Variants in TAFA1 observed in about 807,000 individuals in gnomAD.
TAFA1 encodes chemokine-like protein TAFA-1.
TAFA1 carries 4 observed loss-of-function variants against 18.5 expected under a neutral mutation model. The observed-to-expected ratio is 0.22, with a 90% CI of 0.11 to 0.49. The LOEUF (loss-of-function observed/expected upper bound fraction) is 0.49. Among genes scored for constraint, TAFA1 ranks in the 20% least tolerant of loss-of-function variants. The pLI is 0.98. For synonymous variants in TAFA1, 56 were observed against 55.2 expected (o/e 1.01, Z -0.06); for missense variants, 147 against 169.0 (o/e 0.87, Z 0.72).
At chr3:68,127,047 C>T (rs778469308) in intron 2 of TAFA1, among the ~76,000 whole-genome samples, 2 of 152,164 alleles carry the variant, frequency 1.3e-5, no homozygotes, top group Non-Finnish European at 2.9e-5. Flanking sequence ...AGATAAAATG[C>T]ATACACTAGA....
chr3:68,284,501 A>C (rs2067960054), intron 2 of TAFA1, among the ~76,000 whole-genome samples: 1 of 152,238 alleles, frequency 6.6e-6, no homozygotes, highest in Admixed American at 6.5e-5. Context: ...CATCTTCAAA[A>C]AGATTGTCCA....
chr3:68,513,265 C>A lies in TAFA1; in HGVS notation c.260-25491C>A, dbSNP rs553648249. Among the ~76,000 whole-genome samples, 5 of 152,128 alleles carry A rather than the reference C, an allele frequency of 3.3e-5. No individual in the cohort carries two copies. In the East Asian group the frequency reaches 7.7e-4, roughly 24 times the overall value. ...TGAGTTTGTGCCAAGTGATGGCTAA[C>A]AAATGCCATGTAGATAGAATGATCT... On this transcript the variant is annotated intron_variant, in intron 3 of 4. Transcript: ENST00000478136.
At chr3:68,321,107 T>C (rs1211509224) in intron 2 of TAFA1, among the ~76,000 whole-genome samples, 1 of 152,208 alleles carries the variant, frequency 6.6e-6, no homozygotes, top group East Asian at 1.9e-4. Context: ...AGTCAATTAC[T>C]CTGTCTTTAC....
intron 2 of TAFA1, among the ~76,000 whole-genome samples, chr3:68,237,514 G>A (rs773946008): frequency 3.9e-5 from 6 of 152,066 alleles, no homozygotes; most frequent in Non-Finnish European, 7.4e-5. Context: ...CACACATCAG[G>A]TACAAATGGA....
chr3:68,048,029 A>G (rs1289770654), intron 2 of TAFA1, among the ~76,000 whole-genome samples: 1 of 152,092 alleles, frequency 6.6e-6, no homozygotes, highest in Non-Finnish European at 1.5e-5. Context: ...AGAGAAATCA[A>G]CCCAGAGCCT....
At chr3:68,444,799 TATATATATATATAA>T (rs1456983001) in intron 3 of TAFA1, among the ~76,000 whole-genome samples, 13 of 65,554 alleles carry the variant, frequency 2.0e-4, no homozygotes, top group East Asian at 9.3e-4. Context: ...TATATATATA[TATATATATATATAA>T]AATAAATTAA....
chr3:68,516,689 A>T (rs1391721829), intron 3 of TAFA1, among the ~76,000 whole-genome samples: 1 of 152,238 alleles, frequency 6.6e-6, no homozygotes, highest in South Asian at 2.1e-4. Context: ...TTCAGTGCGT[A>T]GGGGTCATAC....
chr3:68,529,543 A>T lies in TAFA1; in HGVS notation c.260-9213A>T, dbSNP rs149099551. ...TCTTAGTCTGCTTGTGTTACTATAA[A>T]AGAATACTGCAGGCTGGGTAATTTA... On this transcript the variant is annotated intron_variant, in intron 3 of 4. Coordinates refer to ENST00000478136, the MANE Select transcript of TAFA1 (RefSeq NM_213609.4). 2.5e-3 allele frequency among the ~76,000 whole-genome samples: 384 copies of T among 151,958 alleles called. 3 individuals are homozygous for T. Among genetic ancestry groups the T allele is most frequent in the African/African-American group, 8.2e-3 (341 of 41,450 alleles).
intron 3 of TAFA1, among the ~76,000 whole-genome samples, chr3:68,525,562 GTT>G (rs745869494): frequency 4.6e-5 from 7 of 152,152 alleles, no homozygotes; most frequent in Non-Finnish European, 8.8e-5. Flanking sequence ...GTTGATTGTT[GTT>G]TTCCACTTTT....
At chr3:68,401,683 G>A (rs1477202622) in intron 2 of TAFA1, among the ~76,000 whole-genome samples, 1 of 152,158 alleles carries the variant, frequency 6.6e-6, no homozygotes, top group Admixed American at 6.5e-5. Context: ...ATCTCTTTGT[G>A]TGTAGCTTGG....
At position 68,339,395 on chromosome 3, in the gene TAFA1, G is replaced by C. The variant is rs2069041680; in HGVS notation, c.119-77885G>C. Among the ~76,000 whole-genome samples the C allele has an allele frequency of 2.0e-5, 3 of 152,322 alleles. No homozygotes were observed. In the South Asian group the frequency reaches 6.2e-4, roughly 32 times the overall value. On this transcript the variant is annotated intron_variant, in intron 2 of 4. Transcript: ENST00000478136. ...GAGACATGGGCTCAGTAGAGATTGT[G>C]ATTACTGTTTATAAATGATTATGGC...
intron 2 of TAFA1, among the ~76,000 whole-genome samples, chr3:68,084,898 C>A (rs555755284): frequency 2.0e-4 from 30 of 151,690 alleles, no homozygotes; most frequent in South Asian, 4.2e-4. Context: ...CTCTTTAGTT[C>A]TTTGTACTTT....
chr3:68,539,676 T>G (rs865839202), intron 4 of TAFA1, among the ~76,000 whole-genome samples: 215 of 3,338 alleles, frequency 0.064, no homozygotes, highest in South Asian at 0.12. Context: ...TGTGTGTGTG[T>G]GTGGGGGGGC....
At chr3:68,431,839 A>G (rs2071180280) in intron 3 of TAFA1, among the ~76,000 whole-genome samples, 1 of 152,026 alleles carries the variant, frequency 6.6e-6, no homozygotes, top group South Asian at 2.1e-4. Context: ...TCACGTCTTA[A>G]GAGCCGAGCT....
intron 2 of TAFA1, among the ~76,000 whole-genome samples, chr3:68,236,748 G>A (rs2066931911): frequency 6.6e-6 from 1 of 152,106 alleles, no homozygotes; most frequent in Admixed American, 6.6e-5. Flanking sequence ...TCCCTGCCTG[G>A]TCATATAAAA....
At chr3:68,460,608 T>A (rs1170573367) in intron 3 of TAFA1, among the ~76,000 whole-genome samples, 4 of 152,178 alleles carry the variant, frequency 2.6e-5, no homozygotes, top group Admixed American at 2.6e-4. Context: ...TCAGAGCATC[T>A]CTCGCTCCTT....
intron 2 of TAFA1, among the ~76,000 whole-genome samples, chr3:68,312,923 G>T (rs1225407845): frequency 6.6e-6 from 1 of 152,176 alleles, no homozygotes; most frequent in Non-Finnish European, 1.5e-5. Context: ...CACATGGCTG[G>T]GGAAGCCTCA....
intron 2 of TAFA1, among the ~76,000 whole-genome samples, chr3:68,098,105 T>C (rs1050288489): frequency 1.3e-5 from 2 of 152,188 alleles, no homozygotes; most frequent in African/African-American, 4.8e-5. Context: ...CCTGTTGTGG[T>C]CTCACTGTGC....
chr3:68,067,697 TCTTCCTTC>T (rs1015958331), intron 2 of TAFA1, among the ~76,000 whole-genome samples: 2 of 152,154 alleles, frequency 1.3e-5, no homozygotes, highest in African/African-American at 4.8e-5. Context: ...AGCCAACTTT[TCTTCCTTC>T]CTTCCTTCCA....
Sources: allele counts gnomAD v4.1 joint callset (sites outside exome capture counted in the v4.1 genomes callset), GRCh38; gene constraint gnomAD v4.1.1; transcripts MANE v1.5; gene names NCBI Gene and HGNC (gene_info 2026-07-23, HGNC 2026-07-21).